Variants in SPTBN5 observed in about 807,000 individuals in gnomAD.
The protein encoded by SPTBN5 is spectrin beta, non-erythrocytic 5, also known as spectrin beta chain, non-erythrocytic 5.
SPTBN5 carries 513 observed loss-of-function variants against 477.6 expected under a neutral mutation model. The ratio of observed to expected loss-of-function variants is 1.07; its 90% confidence interval spans 1.00 to 1.16. The LOEUF (loss-of-function observed/expected upper bound fraction) is 1.16, where lower values mean the gene tolerates loss of function less well. SPTBN5 is among the 50% of genes most tolerant of loss of function. SPTBN5 has a pLI of 0.00. For missense variants in SPTBN5, 5,062 were observed against 4,731.8 expected (o/e 1.07, Z -2.05); for synonymous variants, 2,169 against 2,011.7 (o/e 1.08, Z -2.09).
At position 41,866,426 on chromosome 15, in the gene SPTBN5, T is replaced by C. The variant is rs2066315123; in HGVS notation, c.6548A>G (p.Asp2183Gly). ...KEPVPPGDLR[D>G]KLKPLLKHQA... The stretch of plus-strand genomic sequence containing the variant: ...GTGTTTCAGCAGGGGCTTCAGCTTA[T>C]CTCTCAGGTCCCCAGGAGGGACCGG... The change falls in exon 37 of 68, where the codon GAT (aspartate) becomes GGT (glycine). Residue 2183 changes from aspartate (D) to glycine (G), a missense_variant. Asp to Gly is a moderately conservative substitution (Grantham distance 94). Coordinates refer to ENST00000320955, the MANE Select transcript of SPTBN5 (RefSeq NM_016642.4). 3 of 1,610,928 alleles carry C rather than the reference T, an allele frequency of 1.9e-6. No homozygotes were observed. Among genetic ancestry groups the C allele is most frequent in the Non-Finnish European group, 2.5e-6 (3 of 1,178,628 alleles).
At position 41,882,016 on chromosome 15, in the gene SPTBN5, C is replaced by T. The variant is rs933760088; in HGVS notation, c.2377G>A (p.Val793Ile). The T allele has an allele frequency of 6.5e-7, 1 of 1,538,806 alleles. No homozygotes were observed. The highest frequency in any genetic ancestry group is 1.4e-5 in the African/African-American group (1 of 71,340). ...LLRRHVRLER[V>I]LRAFAAELRR... ...AGCTCGGCCGCGAAGGCGCGCAGGA[C>T]GCGCTCCAGCCGCACGTGGCGCCTC... The change falls in exon 12 of 68, where the codon GTC becomes ATC. Residue 793 changes from valine to isoleucine, a missense_variant. Coordinates refer to ENST00000320955, the MANE Select transcript of SPTBN5 (RefSeq NM_016642.4).
Position 41,852,081 on chromosome 15 carries a change from C to G in SPTBN5, c.10584+101G>C, listed in dbSNP as rs1339357535. ...AGCTCCTGTGCCCGGGCTCCCAGCACTGGCTCCAGGGTGTGGGCCCTCACC... is the reference window on the plus strand; with the variant it reads ...AGCTCCTGTGCCCGGGCTCCCAGCAGTGGCTCCAGGGTGTGGGCCCTCACC... On this transcript the variant is annotated intron_variant, in intron 62 of 67. Coordinates refer to ENST00000320955, the MANE Select transcript of SPTBN5 (RefSeq NM_016642.4). 3.1e-5 allele frequency: 44 copies of G among 1,440,710 alleles called. No homozygotes were observed. In the East Asian group the frequency reaches 9.3e-4, roughly 30 times the overall value. The allele number at this position is 1,440,710 out of a possible 1,614,324, so 89.2% of individuals were successfully genotyped here. A position where few individuals can be genotyped will look rare whatever the true frequency, so the allele number is the denominator to read the frequency against.
intron 44 of SPTBN5, 69 bp downstream of exon 44, chr15:41,862,061 G>A: frequency 6.6e-7 from 1 of 1,506,308 alleles, no homozygotes; most frequent in Non-Finnish European, 8.9e-7. Flanking sequence ...AGAGCAAGGA[G>A]ATGAGAGGAA....
At position 41,877,302 on chromosome 15, in the gene SPTBN5, G is replaced by A. The variant is rs1486377156; in HGVS notation, c.3525C>T (p.Asp1175=). ...SQPMAALDCP[D]SQEVPNTLRV... is the part of the protein sequence containing the mutation. ...TCAGAGTGTTGGGCACCTCTTGGGAGTCTGGGCAGTCCAAGGCTGCCATGG... is the reference window on the plus strand; with the variant it reads ...TCAGAGTGTTGGGCACCTCTTGGGAATCTGGGCAGTCCAAGGCTGCCATGG... The change falls in exon 18 of 68, where the codon GAC becomes GAT. Residue 1175 remains aspartate, a synonymous_variant. Transcript: ENST00000320955. 6.2e-7 allele frequency: 1 copy of A among 1,612,812 alleles called. No individual in the cohort carries two copies.
In SPTBN5 at chr15:41,870,485, T is replaced by C. The variant is rs779198661; in HGVS notation, c.5523A>G (p.Arg1841=). The change falls in exon 30 of 68, where the codon AGA becomes AGG. Residue 1841 remains arginine (R), a synonymous_variant. Coordinates refer to ENST00000320955, the MANE Select transcript of SPTBN5 (RefSeq NM_016642.4). ...GGACTTCCAAGAGATCTCTGTGAACTCTGAGGGTGGTCTCGGTGTCTCGGA... is the reference window on the plus strand; with the variant it reads ...GGACTTCCAAGAGATCTCTGTGAACCCTGAGGGTGGTCTCGGTGTCTCGGA... ...HALRDTETTL[R]VHRDLLEVLT... The C allele has an allele frequency of 6.2e-7, 1 of 1,613,496 alleles. No individual in the cohort carries two copies. The highest frequency in any genetic ancestry group is 2.2e-5 in the East Asian group (1 of 44,852).
In SPTBN5 at chr15:41,860,791, G is replaced by C; in HGVS notation, c.7816-33C>G. On this transcript the variant is annotated intron_variant, in intron 46 of 67. Transcript: ENST00000320955. ...GAGTGGGGAACCCAATACTGTCCATGAGCCTCCCCCTCCCATCCCAGGCTA... is the reference window on the plus strand; with the variant it reads ...GAGTGGGGAACCCAATACTGTCCATCAGCCTCCCCCTCCCATCCCAGGCTA... 3 of 1,468,478 alleles carry C rather than the reference G, an allele frequency of 2.0e-6. No individual in the cohort carries two copies. In the South Asian group the frequency reaches 4.4e-5, roughly 21 times the overall value. The allele number at this position is 1,468,478 out of a possible 1,614,324, so 91.0% of individuals were successfully genotyped here.
At position 41,852,305 on chromosome 15, in the gene SPTBN5, C is replaced by G. The variant is rs528687675; in HGVS notation, c.10461G>C (p.Glu3487Asp). ...AQMQKTEMEQELLLQPQELKP... is the reference protein window; with the variant it reads ...AQMQKTEMEQDLLLQPQELKP... The stretch of plus-strand genomic sequence containing the variant: ...TCAGCTCCTGTGGCTGCAGCAGGAG[C>G]TCCTGTTCCATCTTGGGGAGTGGGC... Residue 3487 changes from glutamate (E) to aspartate (D), a missense_variant, in exon 62 of 68, where the codon GAG becomes GAC. Physicochemically the swap from Glu to Asp is conservative, Grantham distance 45. Transcript: ENST00000320955. The G allele has an allele frequency of 6.3e-7, 1 of 1,589,482 alleles. No individual in the cohort carries two copies. Among genetic ancestry groups the G allele is most frequent in the African/African-American group, 1.3e-5 (1 of 74,560 alleles).
rs1472126576 is a variant in SPTBN5 at position 41,888,009 on chromosome 15, C to G, written c.578G>C (p.Ser193Thr). The G allele has an allele frequency of 6.3e-7, 1 of 1,599,518 alleles. No individual in the cohort carries two copies. The highest frequency in any genetic ancestry group is 8.5e-7 in the Non-Finnish European group (1 of 1,173,404). ...ATCTGTAATGTTCACGTTGGTGTAG[C>G]TGGCTGTCTTCCGCTGGCACCAGAC... ...LLVWCQRKTA[S>T]YTNVNITDFS... is the part of the protein sequence containing the mutation. Residue 193 changes from serine to threonine, a missense_variant, in exon 5 of 68, where the codon AGC (serine) becomes ACC (threonine). Ser to Thr is a moderately conservative substitution (Grantham distance 58, BLOSUM62 1). Transcript: ENST00000320955.
At position 41,868,392 on chromosome 15, in the gene SPTBN5, G is replaced by C. The variant is rs755418572; in HGVS notation, c.6057+6C>G. The stretch of plus-strand genomic sequence containing the variant: ...GTATGTGGGGGCACCAGGGGAGGGG[G>C]CCCACCTCCTTGGTGGGTGTCCCTG... On this transcript the variant is annotated splice_donor_region_variant and intron_variant, in intron 33 of 67. Coordinates refer to ENST00000320955, the MANE Select transcript of SPTBN5 (RefSeq NM_016642.4). 1 of 1,596,448 alleles carries C rather than the reference G, an allele frequency of 6.3e-7. No individual in the cohort carries two copies. Among genetic ancestry groups the C allele is most frequent in the Non-Finnish European group, 8.5e-7 (1 of 1,170,236 alleles).
At chr15:41,855,506 G>A (rs2065906767) in intron 54 of SPTBN5, 43 bp downstream of exon 54, 2 of 1,600,320 alleles carry the variant, frequency 1.2e-6, no homozygotes, top group South Asian at 1.1e-5. Context: ...CTCTGTAGGG[G>A]GCTTCTCTCT....
intron 12 of SPTBN5, among the ~76,000 whole-genome samples, chr15:41,881,590 C>A (rs1375477610): frequency 6.6e-6 from 1 of 152,198 alleles, no homozygotes; most frequent in African/African-American, 2.4e-5. Context: ...CCCAAACCAA[C>A]AAGGCGGGCT....
Position 41,849,885 on chromosome 15 carries a change from G to A in SPTBN5, c.10996C>T (p.Pro3666Ser). The change falls in exon 67 of 68, where the codon CCT becomes TCT. Residue 3666 changes from proline to serine, a missense_variant. Pro to Ser is a moderately conservative substitution (Grantham distance 74). Transcript: ENST00000320955. ...LNECTTKDAR[P>S]GCLLRSDP ...GTGTCCCACCTGAGTAGACATCCAG[G>A]CCGGGCATCCTTGGTCGTGCACTCA... 6.3e-7 allele frequency: 1 copy of A among 1,582,562 alleles called. No homozygotes were observed. Among genetic ancestry groups the A allele is most frequent in the Non-Finnish European group, 8.6e-7 (1 of 1,164,152 alleles).
intron 47 of SPTBN5, 142 bp from the exon 48 acceptor site, chr15:41,859,122 G>C (rs2140922756): frequency 3.4e-6 from 2 of 591,094 alleles, no homozygotes; most frequent in South Asian, 6.4e-5. Context: ...CTCCCCCTCT[G>C]TATTTGTGTC....
In SPTBN5 at chr15:41,875,586, G is replaced by A. The variant is rs750848516; in HGVS notation, c.4159C>T (p.Gln1387Ter). Residue 1387 changes from glutamine (Q) to a stop codon, truncating the protein, a stop_gained, in exon 22 of 68, where the codon CAG (glutamine) becomes TAG (stop). Coordinates refer to ENST00000320955, the MANE Select transcript of SPTBN5 (RefSeq NM_016642.4). LOFTEE classifies it high-confidence loss of function. ...RELLSRRPCG[Q>*]EDIQTRLQGL... ...TGAAGCCTGGTCTGTATGTCCTCCT[G>A]GCCACAGGGCCTCCTACTCAACAGC... 4.4e-6 allele frequency: 7 copies of A among 1,602,276 alleles called. No individual in the cohort carries two copies. Among genetic ancestry groups the A allele is most frequent in the Non-Finnish European group, 6.0e-6 (7 of 1,174,538 alleles).
At chr15:41,873,776 C>T in intron 25 of SPTBN5, 69 bp downstream of exon 25, 2 of 1,582,784 alleles carry the variant, frequency 1.3e-6, no homozygotes, top group South Asian at 2.2e-5. Flanking sequence ...CCCTGAGAGT[C>T]CCACAGGTGG....
In SPTBN5 at chr15:41,893,472, C is replaced by T. The variant is rs755861492; in HGVS notation, c.26G>A (p.Arg9Gln). The T allele has an allele frequency of 3.1e-5, 49 of 1,597,132 alleles. No homozygotes were observed. The highest frequency in any genetic ancestry group is 5.4e-5 in the African/African-American group (4 of 74,730). MAGQPHSPRELLGAAGHRS... is the reference protein window; with the variant it reads MAGQPHSPQELLGAAGHRS... ...GTGCCCTGCAGCCCCGAGGAGCTCC[C>T]GGGGACTGTGGGGCTGACCAGCCAT... Residue 9 changes from arginine to glutamine, a missense_variant, in exon 2 of 68, where the codon CGG (arginine) becomes CAG (glutamine). Physicochemically the swap from Arg to Gln is conservative, Grantham distance 43 (BLOSUM62 1). Coordinates refer to ENST00000320955, the MANE Select transcript of SPTBN5 (RefSeq NM_016642.4).
rs1212958012 is a variant in SPTBN5, at chr15:41,876,841, C to A, written c.3819G>T (p.Lys1273Asn). The change falls in exon 19 of 68, where the codon AAG becomes AAT. Residue 1273 changes from lysine to asparagine, a missense_variant. Physicochemically the swap from Lys to Asn is moderately conservative, Grantham distance 94. Coordinates refer to ENST00000320955, the MANE Select transcript of SPTBN5 (RefSeq NM_016642.4). ...CAGCTGGGTGCTGGCTCTGAACCAG[C>A]TTCTCGCCGTGTGCCCGCAGAGCCT... ...RAEALRAHGE[K>N]LVQSQHPAAH... 1 of 1,610,516 alleles carries A rather than the reference C, an allele frequency of 6.2e-7. No individual in the cohort carries two copies. Among genetic ancestry groups the A allele is most frequent in the Non-Finnish European group, 8.5e-7 (1 of 1,179,834 alleles).
chr15:41,871,877 G>A lies in SPTBN5; in HGVS notation c.5206C>T (p.Leu1736=), dbSNP rs770276351. 2 of 1,586,856 alleles carry A rather than the reference G, an allele frequency of 1.3e-6. No individual in the cohort carries two copies. The highest frequency in any genetic ancestry group is 1.8e-5 in the Admixed American group (1 of 56,660). ...CCCTGCAGGTCCTCAGCCTCCCTCAGGAACTCATGCAGCCTCAGGGTCCCC... is the reference window on the plus strand; with the variant it reads ...CCCTGCAGGTCCTCAGCCTCCCTCAAGAACTCATGCAGCCTCAGGGTCCCC... ...LEGTLRLHEF[L]REAEDLQGWL... is the part of the protein sequence containing the mutation. The change falls in exon 28 of 68, where the codon CTG becomes TTG. Residue 1736 remains leucine, a synonymous_variant. Coordinates refer to ENST00000320955, the MANE Select transcript of SPTBN5 (RefSeq NM_016642.4).
At chr15:41,887,503 TTC>T in intron 5 of SPTBN5, 62 bp from the exon 6 acceptor site, 1 of 1,304,222 alleles carries the variant, frequency 7.7e-7, no homozygotes, top group South Asian at 1.3e-5. Flanking sequence ...TTTAAGTAGA[TTC>T]TTAAATGCAC....
Sources: allele counts gnomAD v4.1 joint callset (sites outside exome capture counted in the v4.1 genomes callset), GRCh38; gene constraint gnomAD v4.1.1; transcripts MANE v1.5; gene names NCBI Gene and HGNC (gene_info 2026-07-23, HGNC 2026-07-21).